GTF3C3: variants seen among roughly 807,000 people sequenced by gnomAD.
GTF3C3 encodes the protein general transcription factor IIIC subunit 3.
A neutral mutation model predicts 105.2 loss-of-function variants in GTF3C3; 75 were observed. The observed-to-expected ratio is 0.71, with a 90% CI of 0.59 to 0.86. The LOEUF is 0.86. GTF3C3 is among the 40% of genes least tolerant of loss of function. The pLI, the probability that GTF3C3 is intolerant of heterozygous loss-of-function variation, is 0.00. For missense variants in GTF3C3, 856 were observed against 1,076.5 expected, an observed-to-expected ratio of 0.80 and a Z score of 2.87; for synonymous variants, 335 against 370.4, an observed-to-expected ratio of 0.90 and a Z score of 1.10.
intron 8 of GTF3C3, chr2:196,780,867 G>A (rs1699338385): frequency 4.6e-6 from 2 of 436,392 alleles, no homozygotes; most frequent in African/African-American, 2.0e-5. Context: ...AATACCTTAT[G>A]TACTTATCCA....
At position 196,785,000 on chromosome 2, in the gene GTF3C3, ACAGT is replaced by A; in HGVS notation, c.1042-75_1042-72del. Reference sequence around the variant, plus strand: ...ACCATTTCATAATGCAAAGATTTGTACAGTTATTTCAAATAATCCCTAATATAAA... The same window carrying A: ...ACCATTTCATAATGCAAAGATTTGTATATTTCAAATAATCCCTAATATAAA... On this transcript the variant is annotated intron_variant, in intron 7 of 17. Transcript: ENST00000263956. 3.9e-6 allele frequency: 4 copies of A among 1,019,028 alleles called. 1 individual carries two copies. The highest frequency in any genetic ancestry group is 2.8e-5 in the South Asian group (2 of 70,228). 63.1% of individuals were successfully genotyped at this position (1,019,028 alleles called of 1,614,324 possible).
chr2:196,776,062 T>G lies in GTF3C3; in HGVS notation c.1643A>C (p.Lys548Thr). The part of the protein sequence containing the change: ...HRSTLLFSQG[K>T]MYGYVDTLLT... Reference sequence around the variant, plus strand: ...TAAGGTATCCACATAACCATACATTTTGCCTTGTGAAAACAACAGAGTAGA... The same window carrying G: ...TAAGGTATCCACATAACCATACATTGTGCCTTGTGAAAACAACAGAGTAGA... Residue 548 changes from lysine (K) to threonine (T), a missense_variant, in exon 12 of 18, where the codon AAA (lysine) becomes ACA (threonine). Lys to Thr is a moderately conservative substitution (Grantham distance 78). Transcript: ENST00000263956. The surrounding 1 kb of genome is among the most constrained non-coding windows in gnomAD (Gnocchi z 4.5). 1 of 1,602,234 alleles carries G rather than the reference T, an allele frequency of 6.2e-7. No individual in the cohort carries two copies. The highest frequency in any genetic ancestry group is 8.5e-7 in the Non-Finnish European group (1 of 1,173,844).
intron 17 of GTF3C3, among the ~76,000 whole-genome samples, chr2:196,765,234 T>TA (rs1244677663): frequency 2.0e-5 from 3 of 152,138 alleles, no homozygotes; most frequent in African/African-American, 7.2e-5. Flanking sequence ...TTTTCCCACA[T>TA]ACATAACAAT....
intron 10 of GTF3C3, chr2:196,778,259 G>C (rs528826781): frequency 6.6e-6 from 1 of 152,254 alleles, no homozygotes; most frequent in African/African-American, 2.4e-5. Flanking sequence ...TCATGTAAGA[G>C]CCACTAGAGT....
At chr2:196,772,871 TACTC>T (rs1699198827) in intron 14 of GTF3C3, 41 bp downstream of exon 14, 1 of 961,976 alleles carries the variant, frequency 1.0e-6, no homozygotes, top group Non-Finnish European at 1.6e-6. Context: ...TACATGTACT[TACTC>T]TATTAAAGAA....
chr2:196,782,105 C>G (rs1699376950), intron 8 of GTF3C3, among the ~76,000 whole-genome samples: 1 of 152,160 alleles, frequency 6.6e-6, no homozygotes, highest in Non-Finnish European at 1.5e-5. Flanking sequence ...ATACCTAATG[C>G]CCAAGGTTAT....
At chr2:196,775,537 A>G (rs1289244521) in intron 12 of GTF3C3, among the ~76,000 whole-genome samples, 2 of 152,208 alleles carry the variant, frequency 1.3e-5, no homozygotes, top group Non-Finnish European at 2.9e-5. Context: ...AATTAGAATG[A>G]ACTGACTTAT....
At chr2:196,792,629 A>AT (rs1425954726) in intron 3 of GTF3C3, among the ~76,000 whole-genome samples, 2 of 152,056 alleles carry the variant, frequency 1.3e-5, no homozygotes, top group Admixed American at 6.5e-5. Context: ...TTATTTATTT[A>AT]TTGTGTTGTA....
intron 9 of GTF3C3, 179 bp downstream of exon 9, chr2:196,780,380 T>A: frequency 8.0e-7 from 1 of 1,256,104 alleles, no homozygotes; most frequent in Admixed American, 3.3e-5. Context: ...GTAAGCCCAA[T>A]TGCAAAACAA....
chr2:196,780,457 G>C, intron 9 of GTF3C3, 102 bp downstream of exon 9: 1 of 1,388,552 alleles, frequency 7.2e-7, no homozygotes, highest in Non-Finnish European at 9.5e-7. Context: ...TGGTTATTAA[G>C]AAATGTGAAA....
rs561203098 is a variant in GTF3C3, at chr2:196,794,155, CCATGTGATACCCTA to C, written c.215-1017_215-1004del. ...TGAGCTAGCATGCTCAGCTCCCTCA[CCATGTGATACCCTA>C]CATCGTCTTGGGACTCTGGAGAGTC... On this transcript the variant is annotated intron_variant, in intron 2 of 17. Transcript: ENST00000263956. 4.3e-3 allele frequency among the ~76,000 whole-genome samples: 662 copies of C among 152,242 alleles called. 26 individuals are homozygous for C. The highest frequency in any genetic ancestry group is 0.04 in the Admixed American group (608 of 15,294).
chr2:196,792,915 T>G, intron 3 of GTF3C3, 41 bp downstream of exon 3: 1 of 1,376,920 alleles, frequency 7.3e-7, no homozygotes, highest in South Asian at 1.2e-5. Flanking sequence ...CTATGTCACT[T>G]TCTTCATTGT....
chr2:196,791,277 C>G (rs567335792), intron 4 of GTF3C3, 60 bp downstream of exon 4: 79 of 1,536,100 alleles, frequency 5.1e-5, no homozygotes, highest in Non-Finnish European at 5.8e-5. Context: ...AGTGCTCCCC[C>G]ATTTGTTTTA....
intron 6 of GTF3C3, 102 bp from the exon 7 acceptor site, chr2:196,785,690 C>T: frequency 1.4e-6 from 1 of 695,482 alleles, no homozygotes; most frequent in Non-Finnish European, 2.4e-6. Flanking sequence ...TTTTCATTTT[C>T]TTAGAATTTG....
chr2:196,795,429 A>G (rs1173021696), intron 2 of GTF3C3, among the ~76,000 whole-genome samples: 1 of 152,256 alleles, frequency 6.6e-6, no homozygotes, highest in Admixed American at 6.5e-5. Context: ...TAAAAGCTAC[A>G]TGTTCTGAGC....
In GTF3C3 at chr2:196,771,883, C is replaced by CTTGA. The variant is rs756212973; in HGVS notation, c.2121_2124dup (p.Val709SerfsTer41). On this transcript the variant is annotated frameshift_variant, in exon 15 of 18. Coordinates refer to ENST00000263956, the MANE Select transcript of GTF3C3 (RefSeq NM_012086.5). LOFTEE classifies it high-confidence loss of function. ...CGTACATCTTGGGAGTGCATGGTAA[C>CTTGA]TTGATTGAAAATGTTCCAGAGCTGG... 1 of 1,613,594 alleles carries CTTGA rather than the reference C, an allele frequency of 6.2e-7. No individual in the cohort carries two copies. The highest frequency in any genetic ancestry group is 1.1e-5 in the South Asian group (1 of 91,066).
chr2:196,774,891 A>C, intron 13 of GTF3C3: 1 of 337,440 alleles, frequency 3.0e-6, no homozygotes, highest in East Asian at 5.3e-5. Context: ...TCTTTCACAG[A>C]TCCAAGCAGA....
rs1435739861 is a variant in GTF3C3, at chr2:196,781,352, AAAAAAATATAT to A, written c.1115-701_1115-691del. Among the ~76,000 whole-genome samples, 8 of 89,116 alleles carry A rather than the reference AAAAAAATATAT, an allele frequency of 9.0e-5. No homozygotes were observed. In the South Asian group the frequency reaches 1.9e-3, roughly 21 times the overall value. The allele number at this position is 89,116 out of a possible 152,430, so 58.5% of individuals were successfully genotyped here. On this transcript the variant is annotated intron_variant, in intron 8 of 17. Transcript: ENST00000263956. ...CAAAAATGTTAAGGGGAAAAAAAAAAAAAAAATATATATATATATATATATATATATATATA... is the reference window on the plus strand; with the variant it reads ...CAAAAATGTTAAGGGGAAAAAAAAAAATATATATATATATATATATATATA...
chr2:196,790,734 A>G (rs1576034822), intron 4 of GTF3C3, among the ~76,000 whole-genome samples: 1 of 152,138 alleles, frequency 6.6e-6, no homozygotes, highest in Non-Finnish European at 1.5e-5. Flanking sequence ...AAATTATAAT[A>G]AGACTTCTAA....
Sources: allele counts gnomAD v4.1 joint callset (sites outside exome capture counted in the v4.1 genomes callset), GRCh38; gene constraint gnomAD v4.1.1; non-coding constraint Gnocchi (gnomAD v3.1); transcripts MANE v1.5; gene names NCBI Gene and HGNC (gene_info 2026-07-23, HGNC 2026-07-21).